The following PKHD1 variants were observed in gnomAD, a reference collection of about 807,000 sequenced individuals.
The protein encoded by PKHD1 is PKHD1 ciliary IPT domain containing fibrocystin/polyductin, also known as fibrocystin.
A neutral mutation model predicts 412.0 loss-of-function variants in PKHD1; 291 were observed. The observed-to-expected ratio is 0.71, with a 90% CI of 0.64 to 0.78. The LOEUF (loss-of-function observed/expected upper bound fraction) is 0.78, where lower values mean the gene tolerates loss of function less well. Ranked by LOEUF, PKHD1 falls within the 30% of genes least tolerant of loss-of-function variation. The pLI, the probability that PKHD1 is intolerant of heterozygous loss-of-function variation, is 0.00. For missense variants in PKHD1, 4,825 were observed against 4,950.7 expected (o/e 0.97, Z 0.76); for synonymous variants, 1,777 against 1,821.5 (o/e 0.98, Z 0.62).
intron 60 of PKHD1, among the ~76,000 whole-genome samples, chr6:51,689,107 T>C (rs1449389463): frequency 6.6e-6 from 1 of 152,174 alleles, no homozygotes; most frequent in Non-Finnish European, 1.5e-5. Flanking sequence ...AATAAAATAC[T>C]GGCAAACCAA....
chr6:51,635,874 G>GGGGGGGGTGA (rs1768487388), intron 64 of PKHD1, among the ~76,000 whole-genome samples: 1 of 67,736 alleles, frequency 1.5e-5, no homozygotes, highest in Non-Finnish European at 3.0e-5. Flanking sequence ...GGGGCGGGGG[G>GGGGGGGGTGA]CCGGGGGCGG....
At chr6:52,051,827 C>G (rs1458034102) in intron 21 of PKHD1, among the ~76,000 whole-genome samples, 2 of 58,414 alleles carry the variant, frequency 3.4e-5, no homozygotes, top group African/African-American at 6.8e-5. Context: ...CAAAGACCCC[C>G]AGCCAGTTGT....
At position 52,043,720 on chromosome 6, in the gene PKHD1, C is replaced by T. The variant is rs201753421; in HGVS notation, c.2726G>A (p.Arg909Gln). 555 of 1,613,258 alleles carry T rather than the reference C, an allele frequency of 3.4e-4. 7 individuals carry two copies. The South Asian group carries it at 5.5e-3, about 16-fold the overall frequency. Residue 909 changes from arginine (R) to glutamine (Q), a missense_variant, in exon 26 of 67, where the codon CGA becomes CAA. By Grantham distance (43) the Arg-to-Gln change is conservative. Transcript: ENST00000371117. ...TANQHTQVVV[R>Q]VNDVPAHCPG... is the part of the protein sequence containing the mutation. ...GCAATGAGCTGGTACATCATTCACTCGCACAACCACCTGAAATGAGGCAAA... is the reference window on the plus strand; with the variant it reads ...GCAATGAGCTGGTACATCATTCACTTGCACAACCACCTGAAATGAGGCAAA...
At chr6:51,843,438 A>G (rs1477475953) in intron 50 of PKHD1, among the ~76,000 whole-genome samples, 1 of 152,238 alleles carries the variant, frequency 6.6e-6, no homozygotes, top group Non-Finnish European at 1.5e-5. Context: ...CATAGCGTTA[A>G]TGTAACTAAA....
At chr6:51,909,064 A>C (rs1243139536) in intron 40 of PKHD1, among the ~76,000 whole-genome samples, 1 of 152,098 alleles carries the variant, frequency 6.6e-6, no homozygotes. Flanking sequence ...CTTAGACCAG[A>C]ATTTGTTGGG....
chr6:52,010,743 C>T (rs1050539920), intron 34 of PKHD1, among the ~76,000 whole-genome samples: 3 of 152,180 alleles, frequency 2.0e-5, no homozygotes, highest in Non-Finnish European at 4.4e-5. Flanking sequence ...TACTCCTAGC[C>T]CAGCTTAACA....
chr6:52,017,751 C>T, intron 33 of PKHD1, 122 bp from the exon 34 acceptor site: 1 of 754,106 alleles, frequency 1.3e-6, no homozygotes, highest in East Asian at 2.7e-5. Flanking sequence ...TAGCAGTTTA[C>T]TTTTTTTAAA....
chr6:51,885,351 T>C (rs1476921408), intron 45 of PKHD1, among the ~76,000 whole-genome samples: 1 of 152,182 alleles, frequency 6.6e-6, no homozygotes, highest in African/African-American at 2.4e-5. Flanking sequence ...TATCTTGAGC[T>C]AGAATGTTTG....
At chr6:52,086,116 T>C (rs553793195) in intron 1 of PKHD1, among the ~76,000 whole-genome samples, 10 of 148,026 alleles carry the variant, frequency 6.8e-5, no homozygotes, top group Admixed American at 1.3e-4. Flanking sequence ...AGTGTGTGTG[T>C]ATGTGTGTGT....
chr6:51,703,073 A>C (rs868720035), intron 60 of PKHD1, among the ~76,000 whole-genome samples: 9 of 152,062 alleles, frequency 5.9e-5, no homozygotes, highest in African/African-American at 2.2e-4. Flanking sequence ...GCTGCAATAA[A>C]TGTCTGTATA....
rs1329917490 is a variant in PKHD1, at chr6:51,903,704, T to C, written c.6889A>G (p.Ile2297Val). 6.2e-7 allele frequency: 1 copy of C among 1,611,638 alleles called. No homozygotes were observed. Among genetic ancestry groups the C allele is most frequent in the Non-Finnish European group, 8.5e-7 (1 of 1,178,154 alleles). ...KDDWSGHGNIIRNNVIIQVSG... is the reference protein window; with the variant it reads ...KDDWSGHGNIVRNNVIIQVSG... Reference sequence around the variant, plus strand: ...ACCTGGATGATCACGTTGTTTCTTATTATATTTCCATGTCCTGACCAGTCT... The same window carrying C: ...ACCTGGATGATCACGTTGTTTCTTACTATATTTCCATGTCCTGACCAGTCT... The change falls in exon 43 of 67, where the codon ATA (isoleucine) becomes GTA (valine). Residue 2297 changes from isoleucine to valine, a missense_variant. Transcript: ENST00000371117.
At chr6:51,937,325 AG>A (rs540775779) in intron 36 of PKHD1, among the ~76,000 whole-genome samples, 8 of 152,170 alleles carry the variant, frequency 5.3e-5, no homozygotes, top group Non-Finnish European at 8.8e-5. Flanking sequence ...TATAAAACCA[AG>A]CTGTAGCCTG....
intron 36 of PKHD1, among the ~76,000 whole-genome samples, chr6:51,935,894 T>C (rs1005017544): frequency 2.0e-5 from 3 of 152,176 alleles, no homozygotes; most frequent in Non-Finnish European, 4.4e-5. Flanking sequence ...CATGGCTCAC[T>C]CTCCCTTGTT....
intron 53 of PKHD1, among the ~76,000 whole-genome samples, chr6:51,790,988 G>C (rs543255150): frequency 6.6e-6 from 1 of 152,208 alleles, no homozygotes; most frequent in East Asian, 1.9e-4. Flanking sequence ...AATCACCCTG[G>C]AATGAGCAGT....
Position 52,025,139 on chromosome 6 carries a change from A to G in PKHD1, c.4671T>C (p.Asn1557=). 4 of 1,614,038 alleles carry G rather than the reference A, an allele frequency of 2.5e-6. No homozygotes were observed. The highest frequency in any genetic ancestry group is 3.4e-6 in the Non-Finnish European group (4 of 1,179,910). Residue 1557 remains asparagine, a synonymous_variant, in exon 32 of 67, where the codon AAT becomes AAC. Coordinates refer to ENST00000371117, the MANE Select transcript of PKHD1 (RefSeq NM_138694.4). ...PHYLSVFYTR[N]GYACSGNVSR... ...AAACATTACCAGAACAAGCATACCCATTTCTTGTATAAAAAACTGACAGGT... is the reference window on the plus strand; with the variant it reads ...AAACATTACCAGAACAAGCATACCCGTTTCTTGTATAAAAAACTGACAGGT...
chr6:51,777,167 T>C (rs2151167875), intron 53 of PKHD1, among the ~76,000 whole-genome samples: 1 of 152,250 alleles, frequency 6.6e-6, no homozygotes, highest in Admixed American at 6.5e-5. Flanking sequence ...GTGAAATAAC[T>C]AGTAAACTTA....
intron 60 of PKHD1, among the ~76,000 whole-genome samples, chr6:51,677,748 TAAA>T (rs542967214): frequency 6.6e-6 from 1 of 152,112 alleles, no homozygotes; most frequent in Non-Finnish European, 1.5e-5. Flanking sequence ...GTTGCATTGA[TAAA>T]AAAGATCAAG....
chr6:51,814,560 G>A (rs1248815019), intron 52 of PKHD1, among the ~76,000 whole-genome samples: 1 of 152,244 alleles, frequency 6.6e-6, no homozygotes, highest in Non-Finnish European at 1.5e-5. Context: ...CACAGGAGGT[G>A]TGTCAGGCAC....
chr6:51,646,525 C>T (rs900647697), intron 63 of PKHD1, among the ~76,000 whole-genome samples: 10 of 152,160 alleles, frequency 6.6e-5, no homozygotes, highest in Admixed American at 6.5e-5. Flanking sequence ...AAAACACAAC[C>T]TCTTGCTCTT....
Sources: allele counts gnomAD v4.1 joint callset (sites outside exome capture counted in the v4.1 genomes callset), GRCh38; gene constraint gnomAD v4.1.1; transcripts MANE v1.5; gene names NCBI Gene and HGNC (gene_info 2026-07-23, HGNC 2026-07-21).